The following IL1RAPL1 variants were observed in gnomAD, a reference collection of about 807,000 sequenced individuals.
IL1RAPL1 encodes interleukin-1 receptor accessory protein-like 1.
Under a neutral mutation model 48.4 loss-of-function variants are expected in IL1RAPL1, and 3 were observed. That is an observed-to-expected ratio of 0.06 (90% CI 0.03 to 0.16). The LOEUF (loss-of-function observed/expected upper bound fraction) is 0.16, where lower values mean the gene tolerates loss of function less well. IL1RAPL1 is among the 10% of genes least tolerant of loss of function. The probability of loss-of-function intolerance (pLI) is 1.00; values close to 1 mark genes in which losing one functional copy is unlikely to be tolerated. For missense variants in IL1RAPL1, 349 were observed against 530.6 expected (o/e 0.66, Z 3.36); for synonymous variants, 185 against 187.7 (o/e 0.99, Z 0.12).
chrX:29,518,709 A>G (rs1409690497), intron 5 of IL1RAPL1, among the ~76,000 whole-genome samples: 5 of 111,605 alleles, frequency 4.5e-5, no homozygotes, highest in Non-Finnish European at 9.4e-5. Context: ...GGAATAAAGT[A>G]GATCTTGCAG....
At chrX:28,884,930 T>A (rs781329034) in intron 2 of IL1RAPL1, among the ~76,000 whole-genome samples, 2 of 111,988 alleles carry the variant, frequency 1.8e-5, no homozygotes, top group South Asian at 7.3e-4. Flanking sequence ...CCATTAAAAT[T>A]CATTTTTAAA....
rs755202812 is a variant in IL1RAPL1 at position 29,633,902 on chromosome X, C to A, written c.704-34528C>A. On this transcript the variant is annotated intron_variant, in intron 5 of 10. Coordinates refer to ENST00000378993, the MANE Select transcript of IL1RAPL1 (RefSeq NM_014271.4). ...ATTGAGATTTTTAACTTAATTATAT[C>A]CACAAGGGCGCTTTTTTCCAAATAA... 4.7e-4 allele frequency among the ~76,000 whole-genome samples: 52 copies of A among 111,626 alleles called. 1 individual carries two copies. Among genetic ancestry groups the A allele is most frequent in the African/African-American group, 1.5e-3 (47 of 30,715 alleles).
intron 2 of IL1RAPL1, among the ~76,000 whole-genome samples, chrX:29,057,594 A>AT (rs1410515726): frequency 9.1e-6 from 1 of 109,815 alleles, no homozygotes; most frequent in Non-Finnish European, 1.9e-5. Context: ...TGCCTGGCTA[A>AT]TTTTTTGTAT....
At chrX:29,853,903 A>G (rs950752473) in intron 6 of IL1RAPL1, among the ~76,000 whole-genome samples, 5 of 112,233 alleles carry the variant, frequency 4.5e-5, no homozygotes, top group Non-Finnish European at 7.5e-5. Flanking sequence ...CCAATAATCG[A>G]TAAGAAGATA....
chrX:29,103,721 A>C (rs999266322), intron 2 of IL1RAPL1, among the ~76,000 whole-genome samples: 2 of 112,011 alleles, frequency 1.8e-5, no homozygotes, highest in Admixed American at 9.5e-5. Context: ...CCAACTATCC[A>C]TGTGACAAGG....
Position 29,156,292 on chromosome X carries a change from G to A in IL1RAPL1, c.83-126646G>A, listed in dbSNP as rs758624271. On this transcript the variant is annotated intron_variant, in intron 2 of 10. Coordinates refer to ENST00000378993, the MANE Select transcript of IL1RAPL1 (RefSeq NM_014271.4). ...GGATTGAAGCATATTTTCGAGTGGA[G>A]ATACTGTGGTAAATGAGATGGAAGG... 2.7e-5 allele frequency among the ~76,000 whole-genome samples: 3 copies of A among 111,834 alleles called. No individual in the cohort carries two copies. The South Asian group carries it at 1.1e-3, about 42-fold the overall frequency.
At chrX:29,365,908 G>T (rs1215066233) in intron 3 of IL1RAPL1, among the ~76,000 whole-genome samples, 5 of 107,422 alleles carry the variant, frequency 4.7e-5, no homozygotes, top group African/African-American at 1.7e-4. Flanking sequence ...GGGTGTGGTG[G>T]TGCACACCTG....
In IL1RAPL1 at chrX:29,776,938, C is replaced by T. The variant is rs181422239; in HGVS notation, c.778+108434C>T. On this transcript the variant is annotated intron_variant, in intron 6 of 10. Transcript: ENST00000378993. ...CAACAAATATCAGTTGATGACTCAC[C>T]GGGATCAGGTACAGTTAAAACTTGC... Among the ~76,000 whole-genome samples the T allele has an allele frequency of 1.6e-4, 18 of 111,775 alleles. No individual in the cohort carries two copies. The East Asian group carries it at 3.6e-3, about 23-fold the overall frequency.
At chrX:28,651,319 A>T (rs1934680402) in intron 1 of IL1RAPL1, among the ~76,000 whole-genome samples, 1 of 112,358 alleles carries the variant, frequency 8.9e-6, no homozygotes, top group Admixed American at 9.5e-5. Flanking sequence ...CCATAAATAT[A>T]GTCTTATTGG....
At chrX:29,900,643 C>T (rs1037967660) in intron 6 of IL1RAPL1, among the ~76,000 whole-genome samples, 5 of 111,970 alleles carry the variant, frequency 4.5e-5, no homozygotes, top group Admixed American at 9.5e-5. Context: ...AAAGGAAACT[C>T]GTTCTAATTC....
chrX:29,873,635 AT>A (rs1371169864), intron 6 of IL1RAPL1, among the ~76,000 whole-genome samples: 1 of 111,582 alleles, frequency 9.0e-6, no homozygotes, highest in Non-Finnish European at 1.9e-5. Context: ...CTCCAGAACT[AT>A]GAGATATAAA....
chrX:29,882,247 A>G (rs1413878425), intron 6 of IL1RAPL1, among the ~76,000 whole-genome samples: 1 of 111,668 alleles, frequency 9.0e-6, no homozygotes. Context: ...CTGCACTATG[A>G]CACTCACATT....
At chrX:29,422,611 A>G (rs2046005545) in intron 5 of IL1RAPL1, among the ~76,000 whole-genome samples, 1 of 112,275 alleles carries the variant, frequency 8.9e-6, no homozygotes, top group African/African-American at 3.2e-5. Context: ...CCTGGGTTGC[A>G]ATCTAAATGA....
intron 5 of IL1RAPL1, among the ~76,000 whole-genome samples, chrX:29,506,716 CT>C (rs367661269): frequency 7.5e-4 from 77 of 102,155 alleles, no homozygotes; most frequent in Admixed American, 1.2e-3. Context: ...AATTTGTTGT[CT>C]TTTTTTTTTT....
intron 6 of IL1RAPL1, among the ~76,000 whole-genome samples, chrX:29,873,066 G>A (rs1931830539): frequency 1.8e-5 from 2 of 111,646 alleles, no homozygotes; most frequent in South Asian, 7.6e-4. Flanking sequence ...GAGGGGAAAT[G>A]AGCAGTTGAC....
intron 2 of IL1RAPL1, among the ~76,000 whole-genome samples, chrX:28,983,266 T>G (rs1925386475): frequency 9.0e-6 from 1 of 111,529 alleles, no homozygotes; most frequent in Admixed American, 9.5e-5. Context: ...GTAGGAAATT[T>G]CTCCATCCTG....
At chrX:29,169,858 T>C (rs1444255820) in intron 2 of IL1RAPL1, among the ~76,000 whole-genome samples, 2 of 111,163 alleles carry the variant, frequency 1.8e-5, no homozygotes, top group Non-Finnish European at 3.8e-5. Flanking sequence ...ATGTGGTTCA[T>C]GGAAAAATCA....
chrX:28,969,933 A>ATATGTTTCTAAACACATATG (rs1925022629), intron 2 of IL1RAPL1, among the ~76,000 whole-genome samples: 1 of 111,392 alleles, frequency 9.0e-6, no homozygotes, highest in Non-Finnish European at 1.9e-5. Flanking sequence ...AAACACATAT[A>ATATGTTTCTAAACACATATG]TATGTTTCTA....
At chrX:29,843,241 A>G (rs1569183884) in intron 6 of IL1RAPL1, among the ~76,000 whole-genome samples, 1 of 112,289 alleles carries the variant, frequency 8.9e-6, no homozygotes, top group Admixed American at 9.4e-5. Flanking sequence ...CTGGGCCTCC[A>G]TTTTAGAGAT....
Sources: gnomAD v4.1 joint callset for allele counts (sites outside exome capture counted in the v4.1 genomes callset) on GRCh38, gnomAD v4.1.1 for gene constraint, MANE v1.5 for transcripts, NCBI Gene and HGNC (gene_info 2026-07-23, HGNC 2026-07-21) for gene names.